Variants in ELP3 observed in about 807,000 individuals in gnomAD.
The protein encoded by ELP3 is elongator complex protein 3.
In ELP3, 56 loss-of-function variants were observed where a neutral mutation model predicts 74.9. The observed-to-expected ratio is 0.75, with a 90% confidence interval of 0.60 to 0.93. The LOEUF (loss-of-function observed/expected upper bound fraction) is 0.93, where lower values mean the gene tolerates loss of function less well. Among genes scored for constraint, ELP3 ranks in the 40% least tolerant of loss-of-function variants. ELP3 has a pLI of 0.00. For missense variants in ELP3, 573 were observed against 686.5 expected, an observed-to-expected ratio of 0.83 and a Z score of 1.85; for synonymous variants, 222 against 239.8, an observed-to-expected ratio of 0.93 and a Z score of 0.68.
chr8:28,141,116 A>G (rs929013702), intron 10 of ELP3, among the ~76,000 whole-genome samples: 7 of 152,234 alleles, frequency 4.6e-5, no homozygotes, highest in African/African-American at 1.7e-4. Flanking sequence ...CCGACTGTAC[A>G]TAGTTGCAGA....
intron 3 of ELP3, among the ~76,000 whole-genome samples, chr8:28,101,314 A>G (rs4732819): frequency 0.59 from 89,246 of 151,370 alleles, 28,387 homozygotes; most frequent in East Asian, 0.92. Flanking sequence ...CAGCTACTCC[A>G]GAGGCTGAGG....
chr8:28,091,050 G>A (rs1007150208), upstream of ELP3, among the ~76,000 whole-genome samples: 2 of 151,870 alleles, frequency 1.3e-5, no homozygotes, highest in South Asian at 2.1e-4. Flanking sequence ...GGGACTACAG[G>A]GGCCCACCAC....
chr8:28,183,349 G>A (rs1041502581), intron 14 of ELP3: 6 of 401,300 alleles, frequency 1.5e-5, no homozygotes, highest in Non-Finnish European at 2.5e-5. Context: ...GTAGGGAAAA[G>A]GTCATGTAGG....
intron 13 of ELP3, among the ~76,000 whole-genome samples, chr8:28,161,648 A>G (rs1814096199): frequency 6.6e-6 from 1 of 151,930 alleles, no homozygotes. Flanking sequence ...GTGACTAAGA[A>G]ATTAAAGACA....
intron 1 of ELP3, among the ~76,000 whole-genome samples, chr8:28,094,345 T>C (rs1811168184): frequency 1.3e-5 from 2 of 152,268 alleles, no homozygotes; most frequent in Non-Finnish European, 2.9e-5. Flanking sequence ...ATATACATTA[T>C]TTATTTGAGT....
chr8:28,136,047 C>T (rs538779035), intron 9 of ELP3, among the ~76,000 whole-genome samples: 1 of 151,620 alleles, frequency 6.6e-6, no homozygotes, highest in African/African-American at 2.4e-5. Context: ...CTGCAACCTC[C>T]GCCTCCTGGG....
intron 10 of ELP3, among the ~76,000 whole-genome samples, chr8:28,148,393 A>G (rs1244665924): frequency 6.6e-6 from 1 of 152,204 alleles, no homozygotes; most frequent in African/African-American, 2.4e-5. Context: ...TGACCAGGGC[A>G]TCCTGTGATG....
At chr8:28,125,389 C>T (rs1253883218) in intron 7 of ELP3, among the ~76,000 whole-genome samples, 1 of 152,196 alleles carries the variant, frequency 6.6e-6, no homozygotes, top group African/African-American at 2.4e-5. Context: ...GCCTTGAGTT[C>T]TTGTGAGAGT....
intron 3 of ELP3, among the ~76,000 whole-genome samples, chr8:28,105,729 A>T (rs1203015264): frequency 6.6e-6 from 1 of 152,246 alleles, no homozygotes; most frequent in Non-Finnish European, 1.5e-5. Flanking sequence ...CACAGAGTTC[A>T]TTCTGCTTCT....
chr8:28,140,003 T>C (rs183430006), intron 10 of ELP3, among the ~76,000 whole-genome samples: 2 of 152,316 alleles, frequency 1.3e-5, no homozygotes, highest in East Asian at 3.9e-4. Context: ...ATAGGTTATA[T>C]GCAAATACTA....
intron 7 of ELP3, among the ~76,000 whole-genome samples, chr8:28,120,009 C>T (rs374485554): frequency 9.9e-5 from 15 of 152,214 alleles, no homozygotes; most frequent in Middle Eastern, 3.4e-3. Context: ...TATTGATAGA[C>T]GCCTGAGCTG....
chr8:28,091,731 C>CT (rs975270440), upstream of ELP3, among the ~76,000 whole-genome samples: 2 of 152,290 alleles, frequency 1.3e-5, no homozygotes, highest in African/African-American at 4.8e-5. Context: ...CAAACAGTGT[C>CT]TGAGACAGGT....
Position 28,136,055 on chromosome 8 carries a change from G to A in ELP3, c.907-1643G>A, listed in dbSNP as rs895766618. Among the ~76,000 whole-genome samples the A allele has an allele frequency of 6.5e-4, 99 of 151,198 alleles. 1 individual carries two copies. Among genetic ancestry groups the A allele is most frequent in the African/African-American group, 2.4e-3 (97 of 41,148 alleles). On this transcript the variant is annotated intron_variant, in intron 9 of 14. Transcript: ENST00000256398. Reference sequence around the variant, plus strand: ...TGGCTCACTGCAACCTCCGCCTCCTGGGTTCAAGCAATTCTCGTGCCTCAG... The same window carrying A: ...TGGCTCACTGCAACCTCCGCCTCCTAGGTTCAAGCAATTCTCGTGCCTCAG...
chr8:28,108,809 T>G (rs2130384011), intron 5 of ELP3, among the ~76,000 whole-genome samples: 1 of 152,250 alleles, frequency 6.6e-6, no homozygotes, highest in Admixed American at 6.5e-5. Flanking sequence ...CAAGAAAAAG[T>G]ATCAGGCACT....
At chr8:28,120,813 C>T (rs1812337782) in intron 7 of ELP3, among the ~76,000 whole-genome samples, 2 of 152,148 alleles carry the variant, frequency 1.3e-5, no homozygotes, top group Admixed American at 1.3e-4. Context: ...CTTCCCTATT[C>T]GGATTATATC....
At position 28,113,115 on chromosome 8, in the gene ELP3, C is replaced by T. The variant is rs752958659; in HGVS notation, c.559C>T (p.Arg187Ter). The change falls in exon 7 of 15, where the codon CGA becomes TGA. Residue 187 changes from arginine to a stop codon, truncating the protein, a stop_gained. Coordinates refer to ENST00000256398, the MANE Select transcript of ELP3 (RefSeq NM_018091.6). LOFTEE classifies it high-confidence loss of function. ...LPEEYRDYFI[R>*]NLHDALSGHT... ...AGAAGAATACAGAGATTATTTTATTCGAAATTTACATGATGCCTTATCAGG... is the reference window on the plus strand; with the variant it reads ...AGAAGAATACAGAGATTATTTTATTTGAAATTTACATGATGCCTTATCAGG... 51 of 1,613,578 alleles carry T rather than the reference C, an allele frequency of 3.2e-5. No homozygotes were observed. Among genetic ancestry groups the T allele is most frequent in the Non-Finnish European group, 3.9e-5 (46 of 1,179,834 alleles).
intron 10 of ELP3, among the ~76,000 whole-genome samples, chr8:28,140,259 G>T (rs543050731): frequency 6.6e-6 from 1 of 152,132 alleles, no homozygotes; most frequent in Admixed American, 6.5e-5. Flanking sequence ...GTGCCAGAAA[G>T]TAAGGAAGTA....
intron 14 of ELP3, among the ~76,000 whole-genome samples, chr8:28,177,489 T>A (rs1814807174): frequency 6.6e-6 from 1 of 152,270 alleles, no homozygotes; most frequent in African/African-American, 2.4e-5. Context: ...AGTTGATTAA[T>A]TGAACCCAAA....
chr8:28,090,482 G>GGTGT (rs34145175), upstream of ELP3: 1,038 of 160,274 alleles, frequency 6.5e-3, 10 homozygotes, highest in South Asian at 0.011. Context: ...CTGATGGGTG[G>GGTGT]GTGTGTGTGT....
Sources: allele counts gnomAD v4.1 joint callset (sites outside exome capture counted in the v4.1 genomes callset), GRCh38; gene constraint gnomAD v4.1.1; transcripts MANE v1.5; gene names NCBI Gene and HGNC (gene_info 2026-07-23, HGNC 2026-07-21).